Variants in ASTL observed in about 807,000 individuals in gnomAD.
ASTL encodes the protein astacin-like metalloendopeptidase.
ASTL carries 27 observed loss-of-function variants against 36.7 expected under a neutral mutation model. That is an observed-to-expected ratio of 0.73 (90% CI 0.54 to 1.01). The LOEUF (loss-of-function observed/expected upper bound fraction) is 1.01. Ranked by LOEUF, ASTL falls within the 50% of genes least tolerant of loss-of-function variation. The pLI is 0.00. For synonymous variants in ASTL, 222 were observed against 228.1 expected (o/e 0.97, Z 0.24); for missense variants, 524 against 572.8 (o/e 0.91, Z 0.87).
rs1682003128 is a variant in ASTL, at chr2:96,123,695, G to A, written c.*155C>T. Among the ~76,000 whole-genome samples the A allele has an allele frequency of 6.6e-6, 1 of 152,212 alleles. No homozygotes were observed. Among genetic ancestry groups the A allele is most frequent in the African/African-American group, 2.4e-5 (1 of 41,444 alleles). On this transcript the variant is annotated 3_prime_UTR_variant, in exon 9 of 9. Coordinates refer to ENST00000342380, the MANE Select transcript of ASTL (RefSeq NM_001002036.4). ...CCCTAGGAGCCCTTAGGGGAACACAGTGAAGAGAGACAGGGGAAGAGTCCT... is the reference window on the plus strand; with the variant it reads ...CCCTAGGAGCCCTTAGGGGAACACAATGAAGAGAGACAGGGGAAGAGTCCT...
At chr2:96,138,521 C>T (rs1682355085), upstream of ASTL, 1 of 1,194,154 alleles carries the variant, frequency 8.4e-7, no homozygotes, top group African/African-American at 1.5e-5. Context: ...CACCACCACC[C>T]CCTCTTAAAT....
intron 6 of ASTL, among the ~76,000 whole-genome samples, chr2:96,131,302 A>G (rs1350624589): frequency 6.6e-6 from 1 of 151,632 alleles, no homozygotes; most frequent in East Asian, 1.9e-4. Context: ...TTTTTTTAGA[A>G]TTGCTGTACT....
Position 96,130,629 on chromosome 2 carries a change from C to T in ASTL, c.638-484G>A, listed in dbSNP as rs180977337. ...TTCCTGTGTCAGGCCACAACACTTC[C>T]CCAGATTTGGAGCCCATCTCCCCCT... is the stretch of plus-strand genomic sequence containing the variant. On this transcript the variant is annotated intron_variant, in intron 6 of 8. Coordinates refer to ENST00000342380, the MANE Select transcript of ASTL (RefSeq NM_001002036.4). Among the ~76,000 whole-genome samples, 91 of 152,320 alleles carry T rather than the reference C, an allele frequency of 6.0e-4. 1 individual carries two copies. The highest frequency in any genetic ancestry group is 2.0e-3 in the African/African-American group (83 of 41,560).
intron 4 of ASTL, 181 bp downstream of exon 4, chr2:96,133,784 T>C (rs909139720): frequency 6.1e-6 from 4 of 651,420 alleles, no homozygotes; most frequent in South Asian, 5.3e-5. Context: ...TACCTTCCCA[T>C]CAGATTTTAA....
In ASTL at chr2:96,122,835, A is replaced by T. The variant is rs1681985168; in HGVS notation, c.*1015T>A. On this transcript the variant is annotated 3_prime_UTR_variant, in exon 9 of 9. Coordinates refer to ENST00000342380, the MANE Select transcript of ASTL (RefSeq NM_001002036.4). ...TGGGAAGGTCAGCACAGCACACTCC[A>T]CTTTATTTCCTCCCCCAACATGTGG... 6.6e-6 allele frequency among the ~76,000 whole-genome samples: 1 copy of T among 152,148 alleles called. No individual in the cohort carries two copies. The highest frequency in any genetic ancestry group is 2.4e-5 in the African/African-American group (1 of 41,430).
chr2:96,133,554 C>G lies in ASTL; in HGVS notation c.338-12G>C, dbSNP rs753720780. The stretch of plus-strand genomic sequence containing the variant: ...GCGGCTGGGCTCATCTGGAAGACAC[C>G]ACCTGGCTGAGCCCCCAGAGCCCTG... On this transcript the variant is annotated splice_polypyrimidine_tract_variant and intron_variant, in intron 4 of 8. Transcript: ENST00000342380. The G allele has an allele frequency of 1.9e-6, 3 of 1,601,536 alleles. No individual in the cohort carries two copies. Among genetic ancestry groups the G allele is most frequent in the Non-Finnish European group, 2.6e-6 (3 of 1,168,652 alleles).
chr2:96,135,812 C>A (rs576380189), intron 2 of ASTL, among the ~76,000 whole-genome samples: 2 of 152,280 alleles, frequency 1.3e-5, no homozygotes, highest in East Asian at 3.9e-4. Context: ...TGGACTGCAG[C>A]CTTCCCCTGC....
At chr2:96,136,129 G>T (rs1044106720) in intron 2 of ASTL, among the ~76,000 whole-genome samples, 2 of 152,250 alleles carry the variant, frequency 1.3e-5, no homozygotes, top group Non-Finnish European at 1.5e-5. Flanking sequence ...TGACTCACAG[G>T]GGGAGTGAGG....
chr2:96,138,451 G>T lies in ASTL; in HGVS notation c.-15C>A, dbSNP rs1188614818. The T allele has an allele frequency of 2.5e-6, 4 of 1,605,314 alleles. 1 individual carries two copies. In the South Asian group the frequency reaches 4.5e-5, roughly 18 times the overall value. ...ACACCCTCCATGGTAGAGCCCTGCT[G>T]CCCCTTCAGCAAACAAGACCAAGCC... On this transcript the variant is annotated 5_prime_UTR_variant, in exon 1 of 9. Coordinates refer to ENST00000342380, the MANE Select transcript of ASTL (RefSeq NM_001002036.4).
chr2:96,136,099 T>C (rs955497288), intron 2 of ASTL, among the ~76,000 whole-genome samples: 2 of 152,334 alleles, frequency 1.3e-5, no homozygotes, highest in Admixed American at 6.5e-5. Flanking sequence ...CATCTCTCCC[T>C]GAGCCGGGTC....
chr2:96,130,040 G>A (rs771132755), intron 7 of ASTL, 24 bp downstream of exon 7: 18 of 1,613,694 alleles, frequency 1.1e-5, no homozygotes, highest in Non-Finnish European at 1.4e-5. Flanking sequence ...GGGAAGCAGA[G>A]GGAGAAGAAG....
At chr2:96,137,835 G>T in intron 1 of ASTL, 135 bp from the exon 2 acceptor site, 2 of 887,124 alleles carry the variant, frequency 2.3e-6, no homozygotes, top group Non-Finnish European at 3.3e-6. Flanking sequence ...CCAGCACAAA[G>T]CCAAGGAGCC....
chr2:96,135,638 T>C lies in ASTL; in HGVS notation c.182-226A>G, dbSNP rs60519141. On this transcript the variant is annotated intron_variant, in intron 2 of 8. Coordinates refer to ENST00000342380, the MANE Select transcript of ASTL (RefSeq NM_001002036.4). ...ATGTTTGAGAATGTCAGCCACCCTG[T>C]GCGGACTGTCTGCAGGTGTGAGGGG... is the stretch of plus-strand genomic sequence containing the variant. Among the ~76,000 whole-genome samples the C allele has an allele frequency of 8.5e-5, 13 of 152,374 alleles. No homozygotes were observed. In the East Asian group the frequency reaches 2.3e-3, roughly 27 times the overall value.
intron 8 of ASTL, among the ~76,000 whole-genome samples, 171 bp downstream of exon 8, chr2:96,129,653 T>C (rs1682127761): frequency 6.6e-6 from 1 of 152,244 alleles, no homozygotes; most frequent in Admixed American, 6.5e-5. Flanking sequence ...AGTTGAGTCA[T>C]AGTGAGTGTT....
chr2:96,125,161 C>T (rs1682040397), intron 8 of ASTL, among the ~76,000 whole-genome samples: 1 of 152,204 alleles, frequency 6.6e-6, no homozygotes, highest in South Asian at 2.1e-4. Context: ...TCACAGCCCC[C>T]ATGGCAGTCA....
chr2:96,124,313 GATGAC>G lies in ASTL; in HGVS notation c.875-47_875-43del. On this transcript the variant is annotated intron_variant, in intron 8 of 8. Coordinates refer to ENST00000342380, the MANE Select transcript of ASTL (RefSeq NM_001002036.4). The surrounding 1 kb of genome is among the most constrained non-coding windows in gnomAD (Gnocchi z 4.1). ...AGGAGGTGGAACCTCAGAACTGTAG[GATGAC>G]ATGTGGCCCAGCTGTGCGGACCCAG... The G allele has an allele frequency of 6.8e-7, 1 of 1,469,714 alleles. No individual in the cohort carries two copies. The highest frequency in any genetic ancestry group is 9.0e-7 in the Non-Finnish European group (1 of 1,109,848). 91.0% of individuals were successfully genotyped at this position (1,469,714 alleles called of 1,614,324 possible). A position where few individuals can be genotyped will look rare whatever the true frequency, so the allele number is the denominator to read the frequency against.
In ASTL at chr2:96,122,848, C is replaced by T. The variant is rs1335822891; in HGVS notation, c.*1002G>A. Reference sequence around the variant, plus strand: ...ACAGCACACTCCACTTTATTTCCTCCCCCAACATGTGGGGCTCCTGCCCCT... The same window carrying T: ...ACAGCACACTCCACTTTATTTCCTCTCCCAACATGTGGGGCTCCTGCCCCT... On this transcript the variant is annotated 3_prime_UTR_variant, in exon 9 of 9. Transcript: ENST00000342380. Among the ~76,000 whole-genome samples the T allele has an allele frequency of 6.6e-6, 1 of 152,238 alleles. No individual in the cohort carries two copies. The highest frequency in any genetic ancestry group is 1.5e-5 in the Non-Finnish European group (1 of 68,042).
intron 1 of ASTL, chr2:96,137,915 G>T: frequency 1.8e-6 from 1 of 547,484 alleles, no homozygotes; most frequent in Non-Finnish European, 3.3e-6. Context: ...AGCTCCCTTA[G>T]GGGGACCAAA....
At chr2:96,130,743 A>G (rs1682161895) in intron 6 of ASTL, among the ~76,000 whole-genome samples, 1 of 152,176 alleles carries the variant, frequency 6.6e-6, no homozygotes, top group Admixed American at 6.5e-5. Context: ...CACCTCGGTC[A>G]CAGCAGCTTC....
Sources: gnomAD v4.1 joint callset for allele counts (sites outside exome capture counted in the v4.1 genomes callset) on GRCh38, gnomAD v4.1.1 for gene constraint, Gnocchi (gnomAD v3.1) non-coding constraint, MANE v1.5 for transcripts, NCBI Gene and HGNC (gene_info 2026-07-23, HGNC 2026-07-21) for gene names.